HLCS: variants seen among roughly 807,000 people sequenced by gnomAD.
The protein encoded by HLCS is holocarboxylase synthetase, also known as biotin--protein ligase.
HLCS carries 53 observed loss-of-function variants against 75.0 expected under a neutral mutation model. The ratio of observed to expected loss-of-function variants is 0.71; its 90% CI spans 0.57 to 0.89. HLCS has a LOEUF of 0.89. Ranked by LOEUF, HLCS falls within the 40% of genes least tolerant of loss-of-function variation. The pLI is 0.00. For missense variants in HLCS, 966 were observed against 1,074.0 expected (o/e 0.90, Z 1.41); for synonymous variants, 431 against 428.6 (o/e 1.01, Z -0.07).
chr21:36,912,913 A>G (rs1284811259), intron 5 of HLCS, among the ~76,000 whole-genome samples: 1 of 152,198 alleles, frequency 6.6e-6, no homozygotes, highest in Non-Finnish European at 1.5e-5. Flanking sequence ...AGGACCTCTC[A>G]GAACAAAAGT....
intron 2 of HLCS, among the ~76,000 whole-genome samples, chr21:36,942,377 C>T (rs1461705232): frequency 2.4e-5 from 3 of 126,762 alleles, no homozygotes; most frequent in East Asian, 2.3e-4. Context: ...CCAGCCTGGG[C>T]GACAGAGCAA....
chr21:36,829,137 T>A (rs2062109094), intron 6 of HLCS, among the ~76,000 whole-genome samples: 1 of 152,212 alleles, frequency 6.6e-6, no homozygotes, highest in Admixed American at 6.6e-5. Flanking sequence ...CATCCATCTC[T>A]CCTCCTGCTC....
Position 36,930,441 on chromosome 21 carries a change from G to A in HLCS, c.1438-8C>T. ...AGGTAGTTCTAAGTGCACCTGAAGGGGAAAGATAGCACTATGTAAACTGAG... is the reference window on the plus strand; with the variant it reads ...AGGTAGTTCTAAGTGCACCTGAAGGAGAAAGATAGCACTATGTAAACTGAG... On this transcript the variant is annotated splice_region_variant and splice_polypyrimidine_tract_variant and intron_variant, in intron 4 of 10. Coordinates refer to ENST00000674895, the MANE Select transcript of HLCS (RefSeq NM_001352514.2). 6.2e-7 allele frequency: 1 copy of A among 1,611,964 alleles called. No individual in the cohort carries two copies. Among genetic ancestry groups the A allele is most frequent in the South Asian group, 1.1e-5 (1 of 91,012 alleles).
At chr21:36,874,888 G>A (rs561700758) in intron 6 of HLCS, among the ~76,000 whole-genome samples, 5 of 151,996 alleles carry the variant, frequency 3.3e-5, no homozygotes, top group Admixed American at 1.3e-4. Flanking sequence ...AAGCACCCCC[G>A]GTCCCTGCAG....
intron 6 of HLCS, among the ~76,000 whole-genome samples, chr21:36,881,599 A>T (rs1212178667): frequency 6.6e-6 from 1 of 152,248 alleles, no homozygotes; most frequent in Non-Finnish European, 1.5e-5. Flanking sequence ...AACTTGTAAC[A>T]GATCATATGA....
intron 6 of HLCS, among the ~76,000 whole-genome samples, chr21:36,871,254 C>T (rs566577339): frequency 1.3e-5 from 2 of 152,056 alleles, no homozygotes; most frequent in African/African-American, 4.8e-5. Context: ...TTTCAGAAAA[C>T]GAGAATACAG....
intron 6 of HLCS, among the ~76,000 whole-genome samples, chr21:36,866,857 T>TTTA (rs1555915905): frequency 6.7e-6 from 1 of 149,708 alleles, no homozygotes; most frequent in Non-Finnish European, 1.5e-5. Context: ...TTTTTTTTTT[T>TTTA]AAAGGTTCTG....
intron 6 of HLCS, among the ~76,000 whole-genome samples, chr21:36,838,968 G>A (rs1220772197): frequency 6.6e-6 from 1 of 152,188 alleles, no homozygotes; most frequent in African/African-American, 2.4e-5. Flanking sequence ...TAAGCTGCCA[G>A]TTTGCAGGAA....
At chr21:36,905,603 A>T (rs1353904582) in intron 5 of HLCS, among the ~76,000 whole-genome samples, 1 of 152,184 alleles carries the variant, frequency 6.6e-6, no homozygotes, top group Non-Finnish European at 1.5e-5. Context: ...GGCCCTTTTA[A>T]ATCAGCCACA....
intron 2 of HLCS, among the ~76,000 whole-genome samples, chr21:36,939,442 A>G (rs2067041983): frequency 6.6e-6 from 1 of 152,124 alleles, no homozygotes; most frequent in Non-Finnish European, 1.5e-5. Flanking sequence ...AGCACATGAG[A>G]CCTTCAGAGT....
chr21:36,901,274 C>T (rs1466351395), intron 5 of HLCS, among the ~76,000 whole-genome samples: 5 of 151,908 alleles, frequency 3.3e-5, no homozygotes, highest in African/African-American at 1.2e-4. Context: ...AAAAAAAAAT[C>T]CCTTGAAAAC....
chr21:36,904,657 C>A (rs1485727831), intron 5 of HLCS, among the ~76,000 whole-genome samples: 1 of 152,296 alleles, frequency 6.6e-6, no homozygotes, highest in East Asian at 1.9e-4. Flanking sequence ...CCACCATTAA[C>A]CCTGGACAAC....
At position 36,755,139 on chromosome 21, in the gene HLCS, G is replaced by GC. The variant is rs1358130676; in HGVS notation, c.2451-723_2451-722insG. On this transcript the variant is annotated intron_variant, in intron 10 of 10. Transcript: ENST00000674895. ...CAGCTGGGTGTGGTAGCTCATGTTT[G>GC]TAACCTTAGCACTTTGGGAGGCCAA... Among the ~76,000 whole-genome samples, 155 of 152,198 alleles carry GC rather than the reference G, an allele frequency of 1.0e-3. 1 individual carries two copies. Among genetic ancestry groups the GC allele is most frequent in the Non-Finnish European group, 1.1e-3 (72 of 68,010 alleles).
chr21:36,980,073 C>T (rs1256795824), intron 1 of HLCS, among the ~76,000 whole-genome samples: 1 of 146,582 alleles, frequency 6.8e-6, no homozygotes, highest in African/African-American at 2.6e-5. Context: ...GTGGTGGTCC[C>T]AGATACTCAG....
intron 6 of HLCS, among the ~76,000 whole-genome samples, chr21:36,883,581 A>G (rs747877511): frequency 8.5e-5 from 13 of 152,242 alleles, no homozygotes; most frequent in Non-Finnish European, 1.6e-4. Context: ...CTGCTTTCTT[A>G]TCATAGATTT....
At chr21:36,896,099 C>T (rs2146331686) in intron 6 of HLCS, among the ~76,000 whole-genome samples, 1 of 152,310 alleles carries the variant, frequency 6.6e-6, no homozygotes, top group Non-Finnish European at 1.5e-5. Context: ...CCTAAAATCC[C>T]AGCACTCTGG....
intron 2 of HLCS, among the ~76,000 whole-genome samples, chr21:36,945,509 C>G (rs1195103123): frequency 6.6e-6 from 1 of 152,198 alleles, no homozygotes; most frequent in Non-Finnish European, 1.5e-5. Flanking sequence ...ATGCATGTTA[C>G]AACGTGGACG....
At chr21:36,764,083 C>T (rs775949127) in intron 8 of HLCS, among the ~76,000 whole-genome samples, 4 of 152,364 alleles carry the variant, frequency 2.6e-5, no homozygotes, top group Non-Finnish European at 4.4e-5. Flanking sequence ...ACAATCAAAT[C>T]TCATCCAGTG....
intron 6 of HLCS, among the ~76,000 whole-genome samples, chr21:36,841,634 T>C (rs986216243): frequency 3.3e-5 from 5 of 152,202 alleles, no homozygotes; most frequent in African/African-American, 1.2e-4. Context: ...CAAAACACTA[T>C]CATCTTCAGG....
Sources: gnomAD v4.1 joint callset for allele counts (sites outside exome capture counted in the v4.1 genomes callset) on GRCh38, gnomAD v4.1.1 for gene constraint, MANE v1.5 for transcripts, NCBI Gene and HGNC (gene_info 2026-07-23, HGNC 2026-07-21) for gene names.